The following SMIM1 variants were observed in gnomAD, a reference collection of about 807,000 sequenced individuals.
SMIM1 encodes the protein small integral membrane protein 1.
Under a neutral mutation model 7.7 loss-of-function variants are expected in SMIM1, and 7 were observed. The observed-to-expected ratio is 0.91, with a 90% CI of 0.52 to 1.71. The LOEUF (loss-of-function observed/expected upper bound fraction) is 1.71, where lower values mean the gene tolerates loss of function less well. Ranked by LOEUF, SMIM1 falls within the 40% of genes most tolerant of loss-of-function variation. The pLI, the probability that SMIM1 is intolerant of heterozygous loss-of-function variation, is 0.00. For synonymous variants in SMIM1, 41 were observed against 42.7 expected (o/e 0.96, Z 0.16); for missense variants, 95 against 102.8 (o/e 0.92, Z 0.33).
Position 3,775,637 on chromosome 1 carries a change from C to T in SMIM1, c.110+154C>T. On this transcript the variant is annotated intron_variant, in intron 3 of 3. Coordinates refer to ENST00000642557, the MANE Select transcript of SMIM1 (RefSeq NM_001288583.2). This position sits in a 1 kb window ranked among gnomAD's most constrained non-coding sequence, Gnocchi z 5.3. ...AGCTCAGCAAACCGCAGCCTTTGGC[C>T]TTCCCTCTGGTTGGCTGTGGGCGGG... 3 of 1,316,910 alleles carry T rather than the reference C, an allele frequency of 2.3e-6. No individual in the cohort carries two copies. The highest frequency in any genetic ancestry group is 1.0e-6 in the Non-Finnish European group (1 of 983,510). 81.6% of individuals were successfully genotyped at this position (1,316,910 alleles called of 1,614,324 possible). A position where few individuals can be genotyped will look rare whatever the true frequency, so the allele number is the denominator to read the frequency against.
chr1:3,774,826 T>A (rs1643432692), intron 2 of SMIM1, among the ~76,000 whole-genome samples: 1 of 151,900 alleles, frequency 6.6e-6, no homozygotes, highest in African/African-American at 2.4e-5. Flanking sequence ...CAGGGACCGG[T>A]CTAGCTGTAC....
At position 3,775,548 on chromosome 1, in the gene SMIM1, C is replaced by A; in HGVS notation, c.110+65C>A. On this transcript the variant is annotated intron_variant, in intron 3 of 3. Transcript: ENST00000642557. This position sits in a 1 kb window ranked among gnomAD's most constrained non-coding sequence, Gnocchi z 5.3. ...GGTGTCTCCCTCCAGAGACGCCTGC[C>A]CTAACCCCTGCTACCGGCCCCATCA... is the stretch of plus-strand genomic sequence containing the variant. 7.0e-7 allele frequency: 1 copy of A among 1,421,752 alleles called. No homozygotes were observed. The highest frequency in any genetic ancestry group is 9.6e-7 in the Non-Finnish European group (1 of 1,045,360). 88.1% of individuals were successfully genotyped at this position (1,421,752 alleles called of 1,614,324 possible).
At chr1:3,773,971 G>A (rs1381048787) in intron 2 of SMIM1, among the ~76,000 whole-genome samples, 4 of 152,290 alleles carry the variant, frequency 2.6e-5, no homozygotes, top group Admixed American at 6.5e-5. Context: ...GGCTCCCACC[G>A]AAGGCACACT....
chr1:3,775,175 G>A lies in SMIM1; in HGVS notation c.-75-124G>A. The A allele has an allele frequency of 2.0e-6, 1 of 512,116 alleles. No individual in the cohort carries two copies. Among genetic ancestry groups the A allele is most frequent in the Non-Finnish European group, 3.6e-6 (1 of 280,404 alleles). The allele number at this position is 512,116 out of a possible 1,614,324, so 31.7% of individuals were successfully genotyped here. ...AAATGACTCTACCACTTTGTGTCTA[G>A]GTCACCTGTTAAGTCAGGCGACAGA... On this transcript the variant is annotated intron_variant, in intron 2 of 3. Coordinates refer to ENST00000642557, the MANE Select transcript of SMIM1 (RefSeq NM_001288583.2). This position sits in a 1 kb window ranked among gnomAD's most constrained non-coding sequence, Gnocchi z 5.3.
chr1:3,774,609 C>A (rs1643429555), intron 2 of SMIM1, among the ~76,000 whole-genome samples: 1 of 152,206 alleles, frequency 6.6e-6, no homozygotes. Flanking sequence ...GCCCCTCCTG[C>A]TCTGGGCAGC....
At chr1:3,774,919 G>A (rs1349372775) in intron 2 of SMIM1, among the ~76,000 whole-genome samples, 2 of 150,688 alleles carry the variant, frequency 1.3e-5, no homozygotes, top group African/African-American at 4.9e-5. Context: ...GCGCCTTATC[G>A]GGCAGGGTTA....
chr1:3,775,668 C>A lies in SMIM1; in HGVS notation c.111-127C>A. The A allele has an allele frequency of 7.2e-7, 1 of 1,387,646 alleles. No homozygotes were observed. Among genetic ancestry groups the A allele is most frequent in the Admixed American group, 2.6e-5 (1 of 38,398 alleles). The allele number at this position is 1,387,646 out of a possible 1,614,324, so 86.0% of individuals were successfully genotyped here. ...TCTGGTTGGCTGTGGGCGGGGAGAGCTTCCTCTTGACTCCAGCAGAGCGCC... is the reference window on the plus strand; with the variant it reads ...TCTGGTTGGCTGTGGGCGGGGAGAGATTCCTCTTGACTCCAGCAGAGCGCC... On this transcript the variant is annotated intron_variant, in intron 3 of 3. Transcript: ENST00000642557. The surrounding 1 kb of genome is among the most constrained non-coding windows in gnomAD (Gnocchi z 5.3).
At chr1:3,774,938 G>A (rs1643435280) in intron 2 of SMIM1, among the ~76,000 whole-genome samples, 1 of 152,124 alleles carries the variant, frequency 6.6e-6, no homozygotes, top group South Asian at 2.1e-4. Context: ...TAAGGAGGGG[G>A]ACAGTTATCA....
chr1:3,773,415 G>A (rs1431589312), intron 2 of SMIM1, among the ~76,000 whole-genome samples: 2 of 152,236 alleles, frequency 1.3e-5, no homozygotes, highest in African/African-American at 4.8e-5. Flanking sequence ...GGCCGGCTCT[G>A]GTGGCTGTGC....
rs1280279014 is a variant in SMIM1, at chr1:3,775,467, G to T, written c.94G>T (p.Ala32Ser). 3 of 1,549,778 alleles carry T rather than the reference G, an allele frequency of 1.9e-6. No homozygotes were observed. Among genetic ancestry groups the T allele is most frequent in the Non-Finnish European group, 2.6e-6 (3 of 1,146,724 alleles). Residue 32 changes from alanine (A) to serine (S), a missense_variant, in exon 3 of 4, where the codon GCC (alanine) becomes TCC (serine). By Grantham distance (99) the Ala-to-Ser change is moderately conservative. Coordinates refer to ENST00000642557, the MANE Select transcript of SMIM1 (RefSeq NM_001288583.2). This position sits in a 1 kb window ranked among gnomAD's most constrained non-coding sequence, Gnocchi z 5.3. ...SLGAVSSTEE[A>S]SRCRRISQRL... is the part of the protein sequence containing the mutation. ...AGGGGCTGTGTCCAGCACAGAAGAG[G>T]CCTCACGCTGCCGCAGGTGAGGGGC...
intron 1 of SMIM1, 39 bp downstream of exon 1, chr1:3,772,827 G>T (rs1393254654): frequency 6.6e-6 from 1 of 152,550 alleles, no homozygotes; most frequent in African/African-American, 2.4e-5. Context: ...TTCCCGGTGC[G>T]GCCGCAGTGG....
chr1:3,774,213 T>C (rs1403771799), intron 2 of SMIM1, among the ~76,000 whole-genome samples: 4 of 152,084 alleles, frequency 2.6e-5, no homozygotes. Context: ...GGGCCTGCCA[T>C]TGCCTGCCCG....
Position 3,775,717 on chromosome 1 carries a change from C to T in SMIM1, c.111-78C>T. 5.3e-6 allele frequency: 8 copies of T among 1,495,588 alleles called. No individual in the cohort carries two copies. The highest frequency in any genetic ancestry group is 3.9e-5 in the South Asian group (3 of 77,290). The allele number at this position is 1,495,588 out of a possible 1,614,324, so 92.6% of individuals were successfully genotyped here. On this transcript the variant is annotated intron_variant, in intron 3 of 3. Transcript: ENST00000642557. The surrounding 1 kb of genome is among the most constrained non-coding windows in gnomAD (Gnocchi z 5.3). ...CCCAGGCCCCTCCCCCTGACCCAGACCAACGGCCACAGTCCACTTAGGGGG... is the reference window on the plus strand; with the variant it reads ...CCCAGGCCCCTCCCCCTGACCCAGATCAACGGCCACAGTCCACTTAGGGGG...
At chr1:3,773,996 C>G (rs1334927230) in intron 2 of SMIM1, among the ~76,000 whole-genome samples, 1 of 152,148 alleles carries the variant, frequency 6.6e-6, no homozygotes, top group African/African-American at 2.4e-5. Context: ...GGCTTTGAGA[C>G]AGCTCCTTCT....
Position 3,775,277 on chromosome 1 carries a change from C to G in SMIM1, c.-75-22C>G, listed in dbSNP as rs1643440732. ...CCTCAGAGGGGGTCTTGACTGCCGCCCTCCATCCGCTTGTTTTACAGTGAA... is the reference window on the plus strand; with the variant it reads ...CCTCAGAGGGGGTCTTGACTGCCGCGCTCCATCCGCTTGTTTTACAGTGAA... On this transcript the variant is annotated intron_variant, in intron 2 of 3. Transcript: ENST00000642557. The surrounding 1 kb of genome is among the most constrained non-coding windows in gnomAD (Gnocchi z 5.3). The G allele has an allele frequency of 6.7e-6, 6 of 896,382 alleles. No homozygotes were observed. The East Asian group carries it at 1.6e-4, about 24-fold the overall frequency. 55.5% of individuals were successfully genotyped at this position (896,382 alleles called of 1,614,324 possible).
In SMIM1 at chr1:3,775,715, G is replaced by T; in HGVS notation, c.111-80G>T. The T allele has an allele frequency of 6.7e-7, 1 of 1,494,284 alleles. No homozygotes were observed. Among genetic ancestry groups the T allele is most frequent in the Non-Finnish European group, 8.9e-7 (1 of 1,123,626 alleles). The allele number at this position is 1,494,284 out of a possible 1,614,324, so 92.6% of individuals were successfully genotyped here. The stretch of plus-strand genomic sequence containing the variant: ...CGCCCAGGCCCCTCCCCCTGACCCA[G>T]ACCAACGGCCACAGTCCACTTAGGG... On this transcript the variant is annotated intron_variant, in intron 3 of 3. Transcript: ENST00000642557. This position sits in a 1 kb window ranked among gnomAD's most constrained non-coding sequence, Gnocchi z 5.3.
rs554492306 is a variant in SMIM1, at chr1:3,775,395, G to A, written c.22G>A (p.Val8Ile). 31 of 1,550,020 alleles carry A rather than the reference G, an allele frequency of 2.0e-5. No homozygotes were observed. The highest frequency in any genetic ancestry group is 4.9e-5 in the East Asian group (2 of 40,890). Residue 8 changes from valine to isoleucine, a missense_variant, in exon 3 of 4, where the codon GTC becomes ATC. Physicochemically the swap from Val to Ile is conservative, Grantham distance 29 (BLOSUM62 3). Coordinates refer to ENST00000642557, the MANE Select transcript of SMIM1 (RefSeq NM_001288583.2). This position sits in a 1 kb window ranked among gnomAD's most constrained non-coding sequence, Gnocchi z 5.3. Reference protein sequence around the residue: MQPQESHVHYSRWEDGSR... With the variant: MQPQESHIHYSRWEDGSR... Reference sequence around the variant, plus strand: ...CAGCATGCAGCCCCAGGAGAGCCACGTCCACTATAGTAGGTGGGAGGACGG... The same window carrying A: ...CAGCATGCAGCCCCAGGAGAGCCACATCCACTATAGTAGGTGGGAGGACGG...
rs1274448950 is a variant in SMIM1 at position 3,773,178 on chromosome 1, C to T, written c.-79C>T. ...GGCCCCAGCCCTCAGGCAAGGTTCT[C>T]CGGGTAAGTGTGGGGCCCTGAGGCG... On this transcript the variant is annotated 5_prime_UTR_variant, in exon 2 of 4. Transcript: ENST00000642557. The T allele has an allele frequency of 6.6e-6, 1 of 152,356 alleles. No individual in the cohort carries two copies. Among genetic ancestry groups the T allele is most frequent in the African/African-American group, 2.4e-5 (1 of 41,460 alleles). The allele number at this position is 152,356 out of a possible 1,614,324, so 9.4% of individuals were successfully genotyped here.
chr1:3,772,844 G>A (rs2275819), intron 1 of SMIM1, 56 bp downstream of exon 1: 17,459 of 152,582 alleles, frequency 0.11, 1,815 homozygotes, highest in East Asian at 0.56. Context: ...GTGGGCAGGT[G>A]CGACTGTGCG....
Sources: allele counts gnomAD v4.1 joint callset (sites outside exome capture counted in the v4.1 genomes callset), GRCh38; gene constraint gnomAD v4.1.1; non-coding constraint Gnocchi (gnomAD v3.1); transcripts MANE v1.5; gene names NCBI Gene and HGNC (gene_info 2026-07-23, HGNC 2026-07-21).